SPAG16: variants seen among roughly 807,000 people sequenced by gnomAD.
SPAG16 encodes the protein sperm-associated antigen 16 protein.
SPAG16 carries 86 observed loss-of-function variants against 80.4 expected under a neutral mutation model. The ratio of observed to expected loss-of-function variants is 1.07; its 90% confidence interval spans 0.90 to 1.28. SPAG16 has a LOEUF of 1.28. Ranked by LOEUF, SPAG16 falls within the 50% of genes most tolerant of loss-of-function variation. The probability of loss-of-function intolerance (pLI) is 0.00; values close to 1 mark genes in which losing one functional copy is unlikely to be tolerated. For synonymous variants in SPAG16, 294 were observed against 265.9 expected (o/e 1.11, Z -1.03); for missense variants, 870 against 765.3 (o/e 1.14, Z -1.61).
At chr2:213,497,947 T>G (rs2074569267) in intron 10 of SPAG16, among the ~76,000 whole-genome samples, 1 of 152,152 alleles carries the variant, frequency 6.6e-6, no homozygotes, top group Non-Finnish European at 1.5e-5. Flanking sequence ...CATACTGGTA[T>G]TTCCTATTAC....
chr2:213,963,093 C>T (rs1575664190), intron 12 of SPAG16, among the ~76,000 whole-genome samples: 2 of 140,714 alleles, frequency 1.4e-5, no homozygotes, highest in East Asian at 2.2e-4. Flanking sequence ...TTAGTTTGCT[C>T]TTTTTTTTTT....
At chr2:213,866,559 AT>A (rs1376063299) in intron 11 of SPAG16, among the ~76,000 whole-genome samples, 1 of 144,584 alleles carries the variant, frequency 6.9e-6, no homozygotes, top group Non-Finnish European at 1.5e-5. Context: ...ATGTGTTGAA[AT>A]TGATTAGGGG....
intron 9 of SPAG16, among the ~76,000 whole-genome samples, chr2:213,468,407 G>A (rs11490597): frequency 7.1e-6 from 1 of 140,690 alleles, no homozygotes; most frequent in African/African-American, 2.6e-5. Flanking sequence ...ATATATCTAT[G>A]TATTTATGTA....
intron 15 of SPAG16, among the ~76,000 whole-genome samples, chr2:214,255,482 C>A (rs2125858593): frequency 6.6e-6 from 1 of 152,122 alleles, no homozygotes; most frequent in East Asian, 1.9e-4. Context: ...ATCAATGCAT[C>A]TTATGTTTTG....
In SPAG16 at chr2:213,859,774, C is replaced by G. The variant is rs78783587; in HGVS notation, c.1071-2711C>G. Among the ~76,000 whole-genome samples, 805 of 152,166 alleles carry G rather than the reference C, an allele frequency of 5.3e-3. 14 individuals carry two copies. Among genetic ancestry groups the G allele is most frequent in the East Asian group, 0.041 (210 of 5,170 alleles). ...TTTACAATGGCATAAAATAATAATA[C>G]TGATAGTACCAACATCAGTCACTAA... On this transcript the variant is annotated intron_variant, in intron 10 of 15. Transcript: ENST00000331683.
Position 213,383,224 on chromosome 2 carries a change from C to T in SPAG16, c.942+8105C>T, listed in dbSNP as rs561797410. On this transcript the variant is annotated intron_variant, in intron 9 of 15. Coordinates refer to ENST00000331683, the MANE Select transcript of SPAG16 (RefSeq NM_024532.5). ...ATAATATATGTATAAACACTTTATACATTATAAAAGCATTATGTAAATACA... is the reference window on the plus strand; with the variant it reads ...ATAATATATGTATAAACACTTTATATATTATAAAAGCATTATGTAAATACA... 2.6e-5 allele frequency among the ~76,000 whole-genome samples: 4 copies of T among 152,208 alleles called. No individual in the cohort carries two copies. In the South Asian group the frequency reaches 8.3e-4, roughly 32 times the overall value.
At chr2:213,888,141 AT>A (rs925832526) in intron 11 of SPAG16, among the ~76,000 whole-genome samples, 1 of 151,864 alleles carries the variant, frequency 6.6e-6, no homozygotes, top group African/African-American at 2.4e-5. Context: ...ATGTTTTCTT[AT>A]TTGTGATGTG....
chr2:213,907,633 A>C (rs1445320769), intron 11 of SPAG16, among the ~76,000 whole-genome samples: 1 of 152,232 alleles, frequency 6.6e-6, no homozygotes, highest in Non-Finnish European at 1.5e-5. Context: ...AATGTCCATC[A>C]ATAGATGAAT....
intron 11 of SPAG16, among the ~76,000 whole-genome samples, chr2:213,875,112 T>G (rs2076093870): frequency 6.6e-6 from 1 of 151,838 alleles, no homozygotes; most frequent in South Asian, 2.1e-4. Flanking sequence ...AAACTAATTT[T>G]TTTTTTTTTT....
At chr2:213,391,340 T>A (rs2067741335) in intron 9 of SPAG16, among the ~76,000 whole-genome samples, 1 of 152,208 alleles carries the variant, frequency 6.6e-6, no homozygotes, top group African/African-American at 2.4e-5. Context: ...TAACTTATCC[T>A]TGTGTAAATT....
chr2:213,541,758 G>C (rs1281837288), intron 10 of SPAG16, among the ~76,000 whole-genome samples: 1 of 152,196 alleles, frequency 6.6e-6, no homozygotes, highest in East Asian at 1.9e-4. Context: ...GAAAGCAATA[G>C]TGGTTTGTTT....
intron 5 of SPAG16, chr2:213,317,697 A>T (rs1226867042): frequency 2.0e-6 from 2 of 991,110 alleles, no homozygotes; most frequent in Admixed American, 6.0e-5. Context: ...AATTAAATTT[A>T]TAGAAAGCCG....
chr2:213,522,728 G>A (rs78060628), intron 10 of SPAG16, among the ~76,000 whole-genome samples: 5,790 of 151,474 alleles, frequency 0.038, 357 homozygotes, highest in African/African-American at 0.13. Context: ...TATAATTTCA[G>A]GACTTAGTTT....
In SPAG16 at chr2:213,284,679, G is replaced by A; in HGVS notation, c.136+60G>A. The stretch of plus-strand genomic sequence containing the variant: ...GGCGGGTAATGGGTGTTGGGACGAA[G>A]GCGAGGGCCTCCCACTGGCGGCGCC... On this transcript the variant is annotated intron_variant, in intron 1 of 15. Transcript: ENST00000331683. 4 of 1,539,412 alleles carry A rather than the reference G, an allele frequency of 2.6e-6. No individual in the cohort carries two copies. The African/African-American group carries it at 5.5e-5, about 21-fold the overall frequency.
chr2:214,211,040 A>G (rs569934479), intron 15 of SPAG16, among the ~76,000 whole-genome samples: 23 of 152,306 alleles, frequency 1.5e-4, no homozygotes, highest in African/African-American at 5.3e-4. Context: ...TAAAGATGAT[A>G]ATGACTGCAT....
intron 15 of SPAG16, among the ~76,000 whole-genome samples, chr2:214,251,621 A>C (rs1690298846): frequency 6.6e-6 from 1 of 152,154 alleles, no homozygotes; most frequent in African/African-American, 2.4e-5. Flanking sequence ...GTAAGGATGC[A>C]CATTACTGAA....
chr2:213,781,236 T>G (rs1202830021), intron 10 of SPAG16, among the ~76,000 whole-genome samples: 1 of 152,202 alleles, frequency 6.6e-6, no homozygotes, highest in Non-Finnish European at 1.5e-5. Flanking sequence ...AGAAGCTATC[T>G]GTTAGTGTTT....
At chr2:214,192,634 TA>T (rs1292077286) in intron 15 of SPAG16, among the ~76,000 whole-genome samples, 11 of 34,440 alleles carry the variant, frequency 3.2e-4, no homozygotes, top group Admixed American at 3.1e-3. Flanking sequence ...TATATTCCTT[TA>T]TTTTTTTTGT....
intron 15 of SPAG16, among the ~76,000 whole-genome samples, chr2:214,408,739 C>T (rs1446139968): frequency 6.6e-6 from 1 of 152,086 alleles, no homozygotes; most frequent in Non-Finnish European, 1.5e-5. Flanking sequence ...TCATTGATAA[C>T]AATGCTATGC....
Sources: allele counts gnomAD v4.1 joint callset (sites outside exome capture counted in the v4.1 genomes callset), GRCh38; gene constraint gnomAD v4.1.1; transcripts MANE v1.5; gene names NCBI Gene and HGNC (gene_info 2026-07-23, HGNC 2026-07-21).